Variants in ZNF678 observed in about 807,000 individuals in gnomAD.
ZNF678 encodes zinc finger protein 678, also known as hypothetical protein MGC42493.
A neutral mutation model predicts 3.0 loss-of-function variants in ZNF678; 5 were observed. That is an observed-to-expected ratio of 1.69 (90% CI 0.88 to 3.56). The LOEUF (loss-of-function observed/expected upper bound fraction) is 3.56. Among genes scored for constraint, ZNF678 ranks in the 30% most tolerant of loss-of-function variants. The pLI is 0.00. For missense variants in ZNF678, 593 were observed against 605.0 expected (o/e 0.98, Z 0.21); for synonymous variants, 218 against 199.6 (o/e 1.09, Z -0.78).
intron 1 of ZNF678, among the ~76,000 whole-genome samples, chr1:227,607,848 C>T (rs548936988): frequency 1.1e-4 from 17 of 148,944 alleles, no homozygotes; most frequent in South Asian, 6.3e-4. Context: ...ATAGCACATA[C>T]GTTCATTCAG....
chr1:227,648,328 ATATT>A (rs1030324230), intron 2 of ZNF678, among the ~76,000 whole-genome samples: 2 of 152,198 alleles, frequency 1.3e-5, no homozygotes, highest in Non-Finnish European at 2.9e-5. Flanking sequence ...GCATGCATAT[ATATT>A]TATTTGTGTG....
chr1:227,591,485 T>A (rs1379504099), intron 1 of ZNF678, among the ~76,000 whole-genome samples: 1 of 152,204 alleles, frequency 6.6e-6, no homozygotes, highest in Non-Finnish European at 1.5e-5. Context: ...CTTTCCTAAT[T>A]AAGAGAACCA....
chr1:227,655,580 C>G lies in ZNF678; in HGVS notation c.1330C>G (p.Gln444Glu). The G allele has an allele frequency of 1.2e-6, 2 of 1,612,000 alleles. No individual in the cohort carries two copies. The highest frequency in any genetic ancestry group is 1.7e-6 in the Non-Finnish European group (2 of 1,179,064). Reference sequence around the variant, plus strand: ...TAAAGAATGTGGCAAAGCTTTTTACCAATCCTCAATCCTTAGTAAGCATAA... The same window carrying G: ...TAAAGAATGTGGCAAAGCTTTTTACGAATCCTCAATCCTTAGTAAGCATAA... ...KCKECGKAFY[Q>E]SSILSKHKRI... Residue 444 changes from glutamine (Q) to glutamate (E), a missense_variant, in exon 4 of 4, where the codon CAA becomes GAA. By Grantham distance (29) the Gln-to-Glu change is conservative (BLOSUM62 2). Coordinates refer to ENST00000343776, the MANE Select transcript of ZNF678 (RefSeq NM_001367909.1).
chr1:227,642,327 G>A (rs1658841675), intron 1 of ZNF678, among the ~76,000 whole-genome samples: 1 of 152,190 alleles, frequency 6.6e-6, no homozygotes, highest in African/African-American at 2.4e-5. Flanking sequence ...AATAGCAAAA[G>A]GTAGAGCACC....
chr1:227,652,075 G>A (rs1007446270), intron 3 of ZNF678, among the ~76,000 whole-genome samples: 1 of 152,114 alleles, frequency 6.6e-6, no homozygotes, highest in Non-Finnish European at 1.5e-5. Flanking sequence ...AACCTAGTGG[G>A]GAAGGTATGT....
At chr1:227,678,401 G>A (rs1374809846), downstream of ZNF678, among the ~76,000 whole-genome samples, 1 of 152,200 alleles carries the variant, frequency 6.6e-6, no homozygotes, top group African/African-American at 2.4e-5. Context: ...CCAGAGCTCA[G>A]ATCCCAGAGC....
At chr1:227,662,489 G>A (rs1485169503), downstream of ZNF678, 1 of 152,170 alleles carries the variant, frequency 6.6e-6, no homozygotes, top group Non-Finnish European at 1.5e-5. Context: ...ACATTAAGGG[G>A]AGTCTTAAGA....
At chr1:227,644,713 C>T (rs1409188998) in intron 1 of ZNF678, among the ~76,000 whole-genome samples, 1 of 152,178 alleles carries the variant, frequency 6.6e-6, no homozygotes, top group Non-Finnish European at 1.5e-5. Context: ...GATATATGCA[C>T]ATTGAAGTTC....
chr1:227,564,000 G>A lies in ZNF678; in HGVS notation c.-164+276G>A, dbSNP rs190662834. ...TCGGGGAGAAGCCAAATCGGTGTGC[G>A]AAACATGCGTGGGAAGAGCTGTTCC... On this transcript the variant is annotated intron_variant, in intron 1 of 3. Coordinates refer to ENST00000343776, the MANE Select transcript of ZNF678 (RefSeq NM_001367909.1). Among the ~76,000 whole-genome samples the A allele has an allele frequency of 3.2e-4, 49 of 152,368 alleles. No homozygotes were observed. In the East Asian group the frequency reaches 9.1e-3, roughly 28 times the overall value.
At chr1:227,667,062 T>G (rs1054473090), downstream of ZNF678, among the ~76,000 whole-genome samples, 1 of 151,520 alleles carries the variant, frequency 6.6e-6, no homozygotes, top group Non-Finnish European at 1.5e-5. Context: ...TTTTTTTTTT[T>G]AAACAGAAAC....
At chr1:227,604,345 T>A (rs1020264629) in intron 1 of ZNF678, among the ~76,000 whole-genome samples, 2 of 152,194 alleles carry the variant, frequency 1.3e-5, no homozygotes, top group African/African-American at 4.8e-5. Flanking sequence ...CTTACTTTTG[T>A]TTGTTGTTAA....
At chr1:227,576,983 A>C (rs898885060) in intron 1 of ZNF678, among the ~76,000 whole-genome samples, 1 of 152,092 alleles carries the variant, frequency 6.6e-6, no homozygotes, top group Admixed American at 6.6e-5. Context: ...CCTTAATTTT[A>C]TTATTTGCCC....
At chr1:227,599,939 A>G (rs1483381773) in intron 1 of ZNF678, among the ~76,000 whole-genome samples, 1 of 152,168 alleles carries the variant, frequency 6.6e-6, no homozygotes, top group African/African-American at 2.4e-5. Context: ...AGTACGCATT[A>G]GTTATTTTTC....
chr1:227,664,798 CCCTT>C (rs1245847195), downstream of ZNF678, among the ~76,000 whole-genome samples: 1 of 151,712 alleles, frequency 6.6e-6, no homozygotes, highest in Non-Finnish European at 1.5e-5. Flanking sequence ...TCCCCAGGAC[CCCTT>C]CCTTCCATAT....
chr1:227,665,385 A>T (rs991079107), downstream of ZNF678, among the ~76,000 whole-genome samples: 4 of 152,162 alleles, frequency 2.6e-5, no homozygotes, highest in Admixed American at 6.5e-5. Context: ...ATCCACAAAA[A>T]CTCAGAGCAC....
intron 1 of ZNF678, among the ~76,000 whole-genome samples, chr1:227,589,274 GTT>G (rs1382117228): frequency 4.6e-5 from 7 of 151,716 alleles, no homozygotes; most frequent in Admixed American, 4.6e-4. Flanking sequence ...ATAGTTTTGG[GTT>G]TTACAAATGT....
At position 227,607,687 on chromosome 1, in the gene ZNF678, AAT is replaced by A. The variant is rs775135242; in HGVS notation, c.-163-38855_-163-38854del. 6.1e-5 allele frequency among the ~76,000 whole-genome samples: 9 copies of A among 148,278 alleles called. No homozygotes were observed. In the South Asian group the frequency reaches 1.0e-3, roughly 17 times the overall value. On this transcript the variant is annotated intron_variant, in intron 1 of 3. Transcript: ENST00000343776. ...TTTAAAATAACTATATATAATTTTA[AAT>A]AGTTATATATTTAAATATATTTATA...
chr1:227,620,173 T>C (rs940346906), intron 1 of ZNF678, among the ~76,000 whole-genome samples: 2 of 152,182 alleles, frequency 1.3e-5, no homozygotes, highest in Non-Finnish European at 2.9e-5. Context: ...CACCCTGGGC[T>C]ACATTTCCAT....
At position 227,657,420 on chromosome 1, in the gene ZNF678, T is replaced by C. The variant is rs1659278466; in HGVS notation, c.*1592T>C. 1 of 151,946 alleles carries C rather than the reference T, an allele frequency of 6.6e-6. No individual in the cohort carries two copies. The highest frequency in any genetic ancestry group is 1.5e-5 in the Non-Finnish European group (1 of 67,886). 9.4% of individuals were successfully genotyped at this position (151,946 alleles called of 1,614,324 possible). A position where few individuals can be genotyped will look rare whatever the true frequency, so the allele number is the denominator to read the frequency against. On this transcript the variant is annotated 3_prime_UTR_variant, in exon 4 of 4. Transcript: ENST00000343776. ...TCCCTTCTAGCAGCACAAAATGGAC[T>C]AACATCCCATAGGTTATATTTTTAT...
Sources: allele counts gnomAD v4.1 joint callset (sites outside exome capture counted in the v4.1 genomes callset), GRCh38; gene constraint gnomAD v4.1.1; transcripts MANE v1.5; gene names NCBI Gene and HGNC (gene_info 2026-07-23, HGNC 2026-07-21).